RPN2: variants seen among roughly 807,000 people sequenced by gnomAD.
The protein encoded by RPN2 is dolichyl-diphosphooligosaccharide--protein glycosyltransferase subunit 2.
Under a neutral mutation model 71.4 loss-of-function variants are expected in RPN2, and 29 were observed. The observed-to-expected ratio is 0.41, with a 90% CI of 0.30 to 0.55. The LOEUF is 0.55. RPN2 is among the 20% of genes least tolerant of loss of function. RPN2 has a pLI of 0.35. For synonymous variants in RPN2, 308 were observed against 305.0 expected (o/e 1.01, Z -0.10); for missense variants, 726 against 774.1 (o/e 0.94, Z 0.74).
chr20:37,213,029 T>G (rs986779503), intron 8 of RPN2, among the ~76,000 whole-genome samples: 1 of 148,634 alleles, frequency 6.7e-6, no homozygotes, highest in Middle Eastern at 3.4e-3. Context: ...AAAAGTAAGA[T>G]ATGTCCTTTT....
chr20:37,215,240 T>G (rs2067779230), intron 9 of RPN2, among the ~76,000 whole-genome samples: 1 of 152,224 alleles, frequency 6.6e-6, no homozygotes, highest in African/African-American at 2.4e-5. Context: ...ACAGAATTAA[T>G]AGCTAGAAAG....
chr20:37,224,873 G>T (rs2068042141), intron 10 of RPN2, among the ~76,000 whole-genome samples: 1 of 152,182 alleles, frequency 6.6e-6, no homozygotes, highest in Admixed American at 6.5e-5. Context: ...TTGTGTCTCT[G>T]GGTTGGCTAT....
rs1183448643 is a variant in RPN2, at chr20:37,232,366, C to T, written c.1652C>T (p.Ser551Leu). The change falls in exon 14 of 17, where the codon TCG becomes TTG. Residue 551 changes from serine (S) to leucine (L), a missense_variant. Physicochemically the swap from Ser to Leu is moderately radical, Grantham distance 145. Coordinates refer to ENST00000237530, the MANE Select transcript of RPN2 (RefSeq NM_002951.5). ...VSNTFTALILSPLLLLFALWI... is the reference protein window; with the variant it reads ...VSNTFTALILLPLLLLFALWI... ...AATACATTCACTGCCCTGATCCTCT[C>T]GCCGTTGCTTCTGCTCTTCGCTCTG... is the stretch of plus-strand genomic sequence containing the variant. 14 of 1,614,048 alleles carry T rather than the reference C, an allele frequency of 8.7e-6. No individual in the cohort carries two copies. Among genetic ancestry groups the T allele is most frequent in the African/African-American group, 1.3e-5 (1 of 74,922 alleles).
chr20:37,191,108 G>A (rs1448429723), intron 2 of RPN2, among the ~76,000 whole-genome samples: 3 of 152,186 alleles, frequency 2.0e-5, no homozygotes, highest in African/African-American at 7.2e-5. Context: ...GCAAAACTGG[G>A]AGAAATGGGG....
At chr20:37,230,083 C>A (rs780173322) in intron 13 of RPN2, 24 bp downstream of exon 13, 8 of 1,570,958 alleles carry the variant, frequency 5.1e-6, no homozygotes, top group Non-Finnish European at 7.0e-6. Flanking sequence ...GGCCTATCCA[C>A]TAAACGTGGG....
At position 37,219,079 on chromosome 20, in the gene RPN2, C is replaced by A. The variant is rs1238243297; in HGVS notation, c.1093-4799C>A. Among the ~76,000 whole-genome samples the A allele has an allele frequency of 2.0e-5, 3 of 152,140 alleles. No homozygotes were observed. The South Asian group carries it at 6.2e-4, about 31-fold the overall frequency. On this transcript the variant is annotated intron_variant, in intron 9 of 16. Coordinates refer to ENST00000237530, the MANE Select transcript of RPN2 (RefSeq NM_002951.5). ...TGCGTCATATGGTAACTCGGTGTTT[C>A]ACTTTTCAAGAAACTAACAAGTTTT...
chr20:37,183,441 T>C (rs1224148978), intron 1 of RPN2, among the ~76,000 whole-genome samples: 2 of 152,130 alleles, frequency 1.3e-5, no homozygotes, highest in Non-Finnish European at 2.9e-5. Flanking sequence ...TGGCCTCAAA[T>C]TCCTGACCTC....
At chr20:37,222,247 C>T (rs1007987383) in intron 9 of RPN2, among the ~76,000 whole-genome samples, 4 of 152,180 alleles carry the variant, frequency 2.6e-5, no homozygotes, top group African/African-American at 7.2e-5. Flanking sequence ...GCCATCGTCC[C>T]TCCTCCTCCA....
intron 11 of RPN2, among the ~76,000 whole-genome samples, chr20:37,227,357 A>G (rs2068102326): frequency 1.3e-5 from 2 of 152,352 alleles, no homozygotes; most frequent in South Asian, 2.1e-4. Context: ...CTCATCCAGA[A>G]TTCTGCTGTA....
chr20:37,181,291 G>C (rs2066870484), intron 1 of RPN2, among the ~76,000 whole-genome samples: 1 of 151,490 alleles, frequency 6.6e-6, no homozygotes, highest in Non-Finnish European at 1.5e-5. Flanking sequence ...CTCTGGATTT[G>C]TCCTCTGCTA....
chr20:37,209,961 G>T, intron 7 of RPN2, 86 bp from the exon 8 acceptor site: 1 of 1,584,620 alleles, frequency 6.3e-7, no homozygotes, highest in Non-Finnish European at 8.5e-7. Flanking sequence ...TGCAGAGCTT[G>T]CAACCTATAG....
At chr20:37,232,518 G>C in intron 14 of RPN2, 127 bp downstream of exon 14, 1 of 1,136,738 alleles carries the variant, frequency 8.8e-7, no homozygotes, top group Non-Finnish European at 1.3e-6. Context: ...GCTGTGACCT[G>C]AATTGATGCT....
intron 9 of RPN2, among the ~76,000 whole-genome samples, chr20:37,218,268 T>C (rs898877049): frequency 6.6e-6 from 1 of 151,776 alleles, no homozygotes; most frequent in Non-Finnish European, 1.5e-5. Context: ...AAAAATAAAT[T>C]AGCCATGTAT....
chr20:37,212,875 A>G (rs2067709157), intron 8 of RPN2, among the ~76,000 whole-genome samples: 1 of 152,230 alleles, frequency 6.6e-6, no homozygotes, highest in African/African-American at 2.4e-5. Context: ...ATAAGGATAC[A>G]TAGGCAATAT....
chr20:37,207,594 C>T, intron 7 of RPN2, 145 bp downstream of exon 7: 2 of 805,088 alleles, frequency 2.5e-6, no homozygotes, highest in Non-Finnish European at 4.2e-6. Context: ...TTCCCTGAGC[C>T]TTGAAATGGA....
chr20:37,203,699 T>C (rs2067446624), intron 4 of RPN2, among the ~76,000 whole-genome samples, 186 bp from the exon 5 acceptor site: 1 of 152,256 alleles, frequency 6.6e-6, no homozygotes, highest in East Asian at 1.9e-4. Flanking sequence ...TCAGCTGTGA[T>C]GATCTTTTCC....
rs181881492 is a variant in RPN2 at position 37,191,634 on chromosome 20, G to A, written c.208-6763G>A. Among the ~76,000 whole-genome samples the A allele has an allele frequency of 2.2e-3, 327 of 151,930 alleles. 1 individual carries two copies. Among genetic ancestry groups the A allele is most frequent in the Middle Eastern group, 0.01 (3 of 292 alleles). The stretch of plus-strand genomic sequence containing the variant: ...TACAAAAAAATTAGCTGGGCGTGGT[G>A]GCGGGTGCCTGTAGTCCCAGCTACT... On this transcript the variant is annotated intron_variant, in intron 2 of 16. Transcript: ENST00000237530.
chr20:37,207,523 TG>T, intron 7 of RPN2, 74 bp downstream of exon 7: 1 of 1,407,002 alleles, frequency 7.1e-7, no homozygotes, highest in Non-Finnish European at 1.0e-6. Context: ...ATCTGGACTA[TG>T]GTCACAGCCA....
intron 9 of RPN2, among the ~76,000 whole-genome samples, chr20:37,217,402 C>T (rs1363286433): frequency 6.6e-6 from 1 of 151,808 alleles, no homozygotes; most frequent in Non-Finnish European, 1.5e-5. Context: ...AAGTGATTTT[C>T]CTGCCTCAGC....
Sources: allele counts gnomAD v4.1 joint callset (sites outside exome capture counted in the v4.1 genomes callset), GRCh38; gene constraint gnomAD v4.1.1; transcripts MANE v1.5; gene names NCBI Gene and HGNC (gene_info 2026-07-23, HGNC 2026-07-21).